The following ASTN2 variants were observed in gnomAD, a reference collection of about 807,000 sequenced individuals.
The protein encoded by ASTN2 is astrotactin-2.
Under a neutral mutation model 139.8 loss-of-function variants are expected in ASTN2, and 54 were observed. That is an observed-to-expected ratio of 0.39 (90% CI 0.31 to 0.48). The LOEUF (loss-of-function observed/expected upper bound fraction) is 0.48. ASTN2 is among the 20% of genes least tolerant of loss of function. ASTN2 has a pLI of 0.95. For synonymous variants in ASTN2, 756 were observed against 719.5 expected (o/e 1.05, Z -0.81); for missense variants, 1,565 against 1,725.1 (o/e 0.91, Z 1.64).
chr9:117,262,925 GCTT>G (rs2133111489), intron 2 of ASTN2, among the ~76,000 whole-genome samples: 1 of 152,266 alleles, frequency 6.6e-6, no homozygotes, highest in East Asian at 1.9e-4. Context: ...AATATGAGTG[GCTT>G]CCAGAAGCTG....
intron 1 of ASTN2, among the ~76,000 whole-genome samples, chr9:117,304,665 CTG>C (rs1285992305): frequency 6.6e-6 from 1 of 152,190 alleles, no homozygotes; most frequent in African/African-American, 2.4e-5. Context: ...AGCTCCATGC[CTG>C]TTCGGTGTGT....
chr9:116,777,377 G>A (rs1037847185), intron 13 of ASTN2, among the ~76,000 whole-genome samples: 9 of 152,090 alleles, frequency 5.9e-5, no homozygotes, highest in Admixed American at 3.3e-4. Flanking sequence ...CACGGTCCTC[G>A]TAATTTTGCT....
At chr9:116,989,083 T>TA (rs1836766795) in intron 7 of ASTN2, among the ~76,000 whole-genome samples, 1 of 152,086 alleles carries the variant, frequency 6.6e-6, no homozygotes, top group Admixed American at 6.5e-5. Context: ...AAGCCAAGAG[T>TA]AATTATTCAT....
At chr9:117,229,928 A>C (rs1832835562) in intron 2 of ASTN2, among the ~76,000 whole-genome samples, 1 of 152,148 alleles carries the variant, frequency 6.6e-6, no homozygotes, top group African/African-American at 2.4e-5. Context: ...GAATTTCATG[A>C]AGCCAGGAGA....
At chr9:117,127,433 G>A (rs559191218) in intron 4 of ASTN2, among the ~76,000 whole-genome samples, 1 of 152,112 alleles carries the variant, frequency 6.6e-6, no homozygotes, top group Non-Finnish European at 1.5e-5. Context: ...AGGTAATTTG[G>A]AGAAGGCTCT....
At chr9:117,094,695 G>A (rs548813571) in intron 5 of ASTN2, among the ~76,000 whole-genome samples, 27 of 152,230 alleles carry the variant, frequency 1.8e-4, no homozygotes, top group Middle Eastern at 6.8e-3. Flanking sequence ...CTCCTCCCAC[G>A]TGGGGCTTTT....
chr9:116,894,083 C>G (rs561876664), intron 10 of ASTN2, among the ~76,000 whole-genome samples: 1 of 152,256 alleles, frequency 6.6e-6, no homozygotes, highest in Non-Finnish European at 1.5e-5. Flanking sequence ...GACTGAGAGC[C>G]TTCTTAGTGT....
At chr9:117,300,049 T>C (rs1834838328) in intron 1 of ASTN2, among the ~76,000 whole-genome samples, 1 of 152,192 alleles carries the variant, frequency 6.6e-6, no homozygotes, top group Non-Finnish European at 1.5e-5. Flanking sequence ...AGCAACATGC[T>C]TGGAAATCTG....
intron 15 of ASTN2, among the ~76,000 whole-genome samples, chr9:116,727,848 G>A (rs1828672645): frequency 1.3e-5 from 2 of 152,140 alleles, no homozygotes; most frequent in South Asian, 4.1e-4. Context: ...CTTCCTCACA[G>A]TACTGTTCTG....
chr9:116,508,347 G>A (rs894784619), intron 19 of ASTN2, among the ~76,000 whole-genome samples: 1 of 152,166 alleles, frequency 6.6e-6, no homozygotes, highest in African/African-American at 2.4e-5. Flanking sequence ...GGTCAACATT[G>A]TCATCACCTC....
At chr9:116,653,432 T>C (rs908471343) in intron 16 of ASTN2, among the ~76,000 whole-genome samples, 5 of 152,214 alleles carry the variant, frequency 3.3e-5, no homozygotes, top group Admixed American at 6.5e-5. Flanking sequence ...TATGGCTATA[T>C]CAAAAACCTT....
chr9:117,298,695 C>CATATATATATATAT (rs1465675701), intron 1 of ASTN2, among the ~76,000 whole-genome samples: 3 of 63,046 alleles, frequency 4.8e-5, no homozygotes, highest in Admixed American at 2.0e-4. Context: ...TATATATGTG[C>CATATATATATATAT]ATATGTATGT....
intron 7 of ASTN2, among the ~76,000 whole-genome samples, chr9:117,003,953 C>CGCGCGCGTGTGTGTGTGTGTGTGT (rs1218309835): frequency 9.6e-5 from 14 of 146,284 alleles, no homozygotes; most frequent in African/African-American, 3.1e-4. Flanking sequence ...CGCGCGCGCG[C>CGCGCGCGTGTGTGTGTGTGTGTGT]GTGTGTGTGT....
At chr9:117,223,578 T>G (rs1305739520) in intron 2 of ASTN2, among the ~76,000 whole-genome samples, 1 of 152,176 alleles carries the variant, frequency 6.6e-6, no homozygotes, top group South Asian at 2.1e-4. Flanking sequence ...GACCTATCTA[T>G]CTACGTCTTA....
chr9:116,960,624 C>A lies in ASTN2; in HGVS notation c.1889+14584G>T, dbSNP rs192545743. ...GTTTAGCAATATCCCTGACTTCTAT[C>A]TACTAGATACCAATAGCACCCTCCC... On this transcript the variant is annotated intron_variant, in intron 10 of 22. Coordinates refer to ENST00000313400, the MANE Select transcript of ASTN2 (RefSeq NM_001365068.1). 2.0e-5 allele frequency among the ~76,000 whole-genome samples: 3 copies of A among 152,106 alleles called. No individual in the cohort carries two copies. In the East Asian group the frequency reaches 5.8e-4, roughly 29 times the overall value.
chr9:116,553,963 T>C (rs764989938), intron 19 of ASTN2, among the ~76,000 whole-genome samples: 17 of 152,258 alleles, frequency 1.1e-4, no homozygotes, highest in Admixed American at 9.1e-4. Context: ...ATTGAACGAA[T>C]GAACGAATGA....
At chr9:117,097,518 T>C (rs928847492) in intron 4 of ASTN2, among the ~76,000 whole-genome samples, 2 of 152,128 alleles carry the variant, frequency 1.3e-5, no homozygotes, top group Admixed American at 1.3e-4. Context: ...TTAAAATTGT[T>C]TCATTGATGG....
chr9:116,827,033 G>A (rs899356033), intron 11 of ASTN2, among the ~76,000 whole-genome samples: 2 of 152,104 alleles, frequency 1.3e-5, no homozygotes, highest in Non-Finnish European at 2.9e-5. Context: ...AATATGGCTG[G>A]GAGTGGTGGC....
At chr9:117,096,314 A>G (rs1180605777) in intron 4 of ASTN2, among the ~76,000 whole-genome samples, 163 bp from the exon 5 acceptor site, 1 of 152,228 alleles carries the variant, frequency 6.6e-6, no homozygotes, top group Non-Finnish European at 1.5e-5. Flanking sequence ...CATGCTCTGC[A>G]GTGAAGCAGA....
Sources: allele counts gnomAD v4.1 joint callset (sites outside exome capture counted in the v4.1 genomes callset), GRCh38; gene constraint gnomAD v4.1.1; transcripts MANE v1.5; gene names NCBI Gene and HGNC (gene_info 2026-07-23, HGNC 2026-07-21).